Variants in CBFA2T2 observed in about 807,000 individuals in gnomAD.
CBFA2T2 encodes CBFA2/RUNX1 partner transcriptional co-repressor 2.
A neutral mutation model predicts 62.2 loss-of-function variants in CBFA2T2; 11 were observed. The observed-to-expected ratio is 0.18, with a 90% CI of 0.11 to 0.29. The LOEUF is 0.29. Among genes scored for constraint, CBFA2T2 ranks in the 10% least tolerant of loss-of-function variants. The probability of loss-of-function intolerance (pLI) is 1.00; values close to 1 mark genes in which losing one functional copy is unlikely to be tolerated. For missense variants in CBFA2T2, 592 were observed against 774.1 expected (o/e 0.76, Z 2.79); for synonymous variants, 295 against 287.5 (o/e 1.03, Z -0.27).
At chr20:33,597,886 T>C (rs1166218173) in intron 1 of CBFA2T2, among the ~76,000 whole-genome samples, 1 of 152,138 alleles carries the variant, frequency 6.6e-6, no homozygotes, top group Non-Finnish European at 1.5e-5. Flanking sequence ...TATTTTCCTT[T>C]AGCATCGGCC....
chr20:33,603,085 A>G (rs2015199040), intron 1 of CBFA2T2, among the ~76,000 whole-genome samples: 1 of 152,114 alleles, frequency 6.6e-6, no homozygotes, highest in East Asian at 1.9e-4. Context: ...TTTCCATTTG[A>G]TATTTTTGGA....
chr20:33,596,700 A>G (rs182749630), intron 1 of CBFA2T2, among the ~76,000 whole-genome samples: 10 of 152,176 alleles, frequency 6.6e-5, no homozygotes, highest in African/African-American at 2.4e-4. Context: ...TTTCATCACA[A>G]CTTCAGACTT....
At chr20:33,526,270 T>C (rs2011883615) in intron 1 of CBFA2T2, among the ~76,000 whole-genome samples, 1 of 152,094 alleles carries the variant, frequency 6.6e-6, no homozygotes, top group Admixed American at 6.6e-5. Context: ...GCTATTGAAA[T>C]TTAAAATAAG....
At chr20:33,631,131 G>A (rs1277667338) in intron 8 of CBFA2T2, among the ~76,000 whole-genome samples, 2 of 152,058 alleles carry the variant, frequency 1.3e-5, no homozygotes, top group East Asian at 1.9e-4. Flanking sequence ...TGGCTAACAC[G>A]GTGAAACCCC....
intron 8 of CBFA2T2, among the ~76,000 whole-genome samples, chr20:33,633,385 T>TA (rs1568867930): frequency 3.8e-4 from 53 of 140,134 alleles, no homozygotes; most frequent in African/African-American, 1.5e-3. Flanking sequence ...AAAAAATAAA[T>TA]AAATAAATAA....
At chr20:33,596,602 T>G (rs1455931985) in intron 1 of CBFA2T2, among the ~76,000 whole-genome samples, 2 of 152,150 alleles carry the variant, frequency 1.3e-5, no homozygotes, top group African/African-American at 4.8e-5. Context: ...TCTCTAAGAG[T>G]GGAAATACCT....
chr20:33,619,233 A>G (rs1048900965), intron 3 of CBFA2T2, among the ~76,000 whole-genome samples: 1 of 151,986 alleles, frequency 6.6e-6, no homozygotes, highest in Non-Finnish European at 1.5e-5. Context: ...AAAACAAAAT[A>G]AAAAGACCGG....
intron 1 of CBFA2T2, among the ~76,000 whole-genome samples, chr20:33,596,167 A>G (rs1004603742): frequency 6.6e-6 from 1 of 152,146 alleles, no homozygotes; most frequent in African/African-American, 2.4e-5. Context: ...GATGGTCTTA[A>G]ATTGAGGGAG....
At position 33,619,556 on chromosome 20, in the gene CBFA2T2, CAAG is replaced by C; in HGVS notation, c.464_466del (p.Glu155del). ...AATTGAGGAATTCCACTGTAAGCTC[CAAG>C]AAGCCACAAACTTTCCCCTTCGTCC... On this transcript the variant is annotated inframe_deletion, in exon 4 of 11. Coordinates refer to ENST00000342704, the MANE Select transcript of CBFA2T2 (RefSeq NM_001032999.3). 1.2e-6 allele frequency: 2 copies of C among 1,609,670 alleles called. No individual in the cohort carries two copies. The highest frequency in any genetic ancestry group is 1.7e-6 in the Non-Finnish European group (2 of 1,178,110).
At chr20:33,565,891 C>T (rs1291468761) in intron 1 of CBFA2T2, among the ~76,000 whole-genome samples, 2 of 152,090 alleles carry the variant, frequency 1.3e-5, no homozygotes, top group Admixed American at 6.5e-5. Flanking sequence ...TTTGCGGGAA[C>T]ATCAAAAAAT....
chr20:33,541,737 T>C (rs976487973), intron 1 of CBFA2T2, among the ~76,000 whole-genome samples: 12 of 152,238 alleles, frequency 7.9e-5, no homozygotes, highest in Admixed American at 5.9e-4. Flanking sequence ...TATTGTTCTT[T>C]GCCTAGCTGG....
At chr20:33,579,516 T>A (rs946585105) in intron 1 of CBFA2T2, among the ~76,000 whole-genome samples, 1 of 152,122 alleles carries the variant, frequency 6.6e-6, no homozygotes, top group Admixed American at 6.5e-5. Flanking sequence ...TGTAGAAATT[T>A]TATGGTCCGG....
intron 1 of CBFA2T2, among the ~76,000 whole-genome samples, chr20:33,556,414 G>A (rs1407132577): frequency 1.3e-5 from 2 of 152,146 alleles, no homozygotes; most frequent in African/African-American, 4.8e-5. Context: ...CTCAATATTA[G>A]TGATTGGTTA....
intron 1 of CBFA2T2, among the ~76,000 whole-genome samples, chr20:33,593,391 ATTTT>A (rs754319345): frequency 4.8e-4 from 53 of 109,862 alleles, no homozygotes; most frequent in Admixed American, 1.4e-3. Flanking sequence ...TCTTGACTGG[ATTTT>A]TTTTTTTTTT....
chr20:33,563,656 A>G (rs2013174787), intron 1 of CBFA2T2, among the ~76,000 whole-genome samples: 1 of 152,172 alleles, frequency 6.6e-6, no homozygotes, highest in African/African-American at 2.4e-5. Context: ...CAAGCAAGCC[A>G]CTGTTCTCTT....
At chr20:33,601,005 T>A (rs943359201) in intron 1 of CBFA2T2, among the ~76,000 whole-genome samples, 1 of 152,128 alleles carries the variant, frequency 6.6e-6, no homozygotes, top group Admixed American at 6.6e-5. Flanking sequence ...TATTGTGATA[T>A]TATAAAACAC....
At chr20:33,573,303 C>T (rs1476768879) in intron 1 of CBFA2T2, among the ~76,000 whole-genome samples, 4 of 151,816 alleles carry the variant, frequency 2.6e-5, no homozygotes, top group South Asian at 4.2e-4. Context: ...AAAATGAAAG[C>T]GCTAAGGAGA....
At chr20:33,592,552 G>T (rs1157950085) in intron 1 of CBFA2T2, among the ~76,000 whole-genome samples, 2 of 151,754 alleles carry the variant, frequency 1.3e-5, no homozygotes, top group Admixed American at 6.6e-5. Flanking sequence ...AGACTATTCA[G>T]TTAGTCCTAA....
At chr20:33,568,115 A>G (rs1600982121) in intron 1 of CBFA2T2, among the ~76,000 whole-genome samples, 1 of 152,190 alleles carries the variant, frequency 6.6e-6, no homozygotes, top group East Asian at 1.9e-4. Context: ...CCATAAGCTG[A>G]TTTAACCTTC....
Sources: allele counts gnomAD v4.1 joint callset (sites outside exome capture counted in the v4.1 genomes callset), GRCh38; gene constraint gnomAD v4.1.1; transcripts MANE v1.5; gene names NCBI Gene and HGNC (gene_info 2026-07-23, HGNC 2026-07-21).